RARB: variants seen among roughly 807,000 people sequenced by gnomAD.
RARB encodes the protein retinoic acid receptor beta, also known as HBV-activated protein.
In RARB, 17 loss-of-function variants were observed where a neutral mutation model predicts 51.9. The ratio of observed to expected loss-of-function variants is 0.33; its 90% CI spans 0.22 to 0.49. The LOEUF (loss-of-function observed/expected upper bound fraction) is 0.49. Ranked by LOEUF, RARB falls within the 20% of genes least tolerant of loss-of-function variation. The pLI, the probability that RARB is intolerant of heterozygous loss-of-function variation, is 0.99. For synonymous variants in RARB, 215 were observed against 195.4 expected (o/e 1.10, Z -0.84); for missense variants, 369 against 550.8 (o/e 0.67, Z 3.30).
intron 4 of RARB, among the ~76,000 whole-genome samples, chr3:25,135,887 C>T (rs4312625): frequency 0.82 from 124,636 of 151,806 alleles, 51,300 homozygotes; most frequent in Non-Finnish European, 0.85. Context: ...TATTCATAAT[C>T]TTGAAAGTAA....
chr3:24,978,068 T>C (rs1696558112), intron 2 of RARB, among the ~76,000 whole-genome samples: 1 of 152,232 alleles, frequency 6.6e-6, no homozygotes, highest in African/African-American at 2.4e-5. Context: ...GATTTGCGTA[T>C]GTTGAACCTG....
At chr3:24,886,655 T>C (rs932063643) in intron 2 of RARB, among the ~76,000 whole-genome samples, 1 of 152,066 alleles carries the variant, frequency 6.6e-6, no homozygotes, top group Non-Finnish European at 1.5e-5. Context: ...TTGCTCAGGC[T>C]GGTCTTCAAC....
chr3:25,189,969 G>A (rs1306950946), intron 5 of RARB, among the ~76,000 whole-genome samples: 1 of 152,070 alleles, frequency 6.6e-6, no homozygotes, highest in East Asian at 1.9e-4. Flanking sequence ...TCCTTTTTAT[G>A]TGCTTGCAGT....
chr3:25,113,311 T>A (rs1236665132), intron 3 of RARB, among the ~76,000 whole-genome samples: 1 of 152,172 alleles, frequency 6.6e-6, no homozygotes, highest in Non-Finnish European at 1.5e-5. Context: ...GATAAGGAAA[T>A]TAAATTACCA....
At chr3:25,403,886 TAA>T (rs546197894) in intron 5 of RARB, among the ~76,000 whole-genome samples, 4 of 88,368 alleles carry the variant, frequency 4.5e-5, no homozygotes, top group Non-Finnish European at 7.9e-5. Context: ...TTTCTTTTTC[TAA>T]AAAAAAAAAA....
intron 2 of RARB, among the ~76,000 whole-genome samples, chr3:24,892,507 T>G (rs1703405282): frequency 6.6e-6 from 1 of 152,216 alleles, no homozygotes; most frequent in Non-Finnish European, 1.5e-5. Flanking sequence ...CATTAAATTT[T>G]GCAACCTCAA....
intron 2 of RARB, among the ~76,000 whole-genome samples, chr3:25,026,371 G>C (rs1181067877): frequency 6.6e-6 from 1 of 152,084 alleles, no homozygotes; most frequent in Non-Finnish European, 1.5e-5. Context: ...CACAATTTTG[G>C]GGGCTACAAG....
At chr3:25,118,226 C>A (rs767884921) in intron 3 of RARB, among the ~76,000 whole-genome samples, 3 of 152,142 alleles carry the variant, frequency 2.0e-5, no homozygotes, top group African/African-American at 7.2e-5. Context: ...CTTTCCTATA[C>A]AGTTCCCCAA....
chr3:25,529,601 A>G (rs1182213502), intron 3 of RARB, among the ~76,000 whole-genome samples: 2 of 152,198 alleles, frequency 1.3e-5, no homozygotes, highest in Non-Finnish European at 2.9e-5. Context: ...GGGAAAGGAA[A>G]CTTCAAAGGA....
chr3:25,138,403 G>A (rs144729241), intron 4 of RARB, among the ~76,000 whole-genome samples: 1 of 150,824 alleles, frequency 6.6e-6, no homozygotes, highest in African/African-American at 2.4e-5. Flanking sequence ...GCTTTAAAAA[G>A]GACCATTGAT....
intron 2 of RARB, among the ~76,000 whole-genome samples, chr3:24,972,067 T>C (rs6765971): frequency 0.72 from 109,035 of 151,692 alleles, 39,448 homozygotes; most frequent in East Asian, 0.93. Context: ...ATTCAGCCTA[T>C]GGATCTATTG....
At chr3:25,004,447 A>T (rs1441355288) in intron 2 of RARB, among the ~76,000 whole-genome samples, 1 of 152,152 alleles carries the variant, frequency 6.6e-6, no homozygotes, top group African/African-American at 2.4e-5. Flanking sequence ...GGTGAAAGTC[A>T]TCACATGGTG....
chr3:25,369,602 T>A (rs756948507), intron 5 of RARB, among the ~76,000 whole-genome samples: 20 of 152,216 alleles, frequency 1.3e-4, no homozygotes, highest in Non-Finnish European at 2.1e-4. Flanking sequence ...TGCTGTCACA[T>A]TGGCATAAGC....
intron 3 of RARB, among the ~76,000 whole-genome samples, chr3:25,512,673 G>A (rs1010706831): frequency 4.6e-5 from 7 of 152,288 alleles, no homozygotes; most frequent in African/African-American, 1.2e-4. Context: ...CTTCCTAAAT[G>A]AGCAGGCATG....
At chr3:25,523,869 A>G (rs1298553709) in intron 3 of RARB, among the ~76,000 whole-genome samples, 4 of 152,188 alleles carry the variant, frequency 2.6e-5, no homozygotes, top group Non-Finnish European at 5.9e-5. Flanking sequence ...GTAACATTGC[A>G]TTATTTTTTT....
At chr3:24,854,421 G>A (rs560262143) in intron 1 of RARB, among the ~76,000 whole-genome samples, 1 of 152,240 alleles carries the variant, frequency 6.6e-6, no homozygotes, top group South Asian at 2.1e-4. Context: ...TCTATTGCTG[G>A]GGAAAGGAGT....
At chr3:25,305,741 G>A (rs1050579063) in intron 5 of RARB, among the ~76,000 whole-genome samples, 1 of 152,128 alleles carries the variant, frequency 6.6e-6, no homozygotes, top group Admixed American at 6.6e-5. Flanking sequence ...AAGAGCTTGG[G>A]CCTCAACAAA....
intron 6 of RARB, 136 bp downstream of exon 6, chr3:25,593,843 C>T: frequency 1.3e-6 from 1 of 770,940 alleles, no homozygotes; most frequent in Non-Finnish European, 2.0e-6. Flanking sequence ...GCATACATGC[C>T]TGGTTTCATT....
intron 2 of RARB, among the ~76,000 whole-genome samples, chr3:24,913,218 T>A (rs764799802): frequency 2.0e-5 from 3 of 151,410 alleles, no homozygotes; most frequent in African/African-American, 7.3e-5. Context: ...TCTCCTGACC[T>A]CCTGATCTGC....
Sources: gnomAD v4.1 joint callset for allele counts (sites outside exome capture counted in the v4.1 genomes callset) on GRCh38, gnomAD v4.1.1 for gene constraint, MANE v1.5 for transcripts, NCBI Gene and HGNC (gene_info 2026-07-23, HGNC 2026-07-21) for gene names.